Variants in LMBR1 observed in about 807,000 individuals in gnomAD.
LMBR1 encodes the protein limb development membrane protein 1.
LMBR1 carries 52 observed loss-of-function variants against 73.9 expected under a neutral mutation model. The observed-to-expected ratio is 0.70, with a 90% CI of 0.56 to 0.89. The LOEUF is 0.89. Among genes scored for constraint, LMBR1 ranks in the 40% least tolerant of loss-of-function variants. LMBR1 has a pLI of 0.00. For missense variants in LMBR1, 539 were observed against 579.8 expected, an observed-to-expected ratio of 0.93 and a Z score of 0.72; for synonymous variants, 215 against 209.4, an observed-to-expected ratio of 1.03 and a Z score of -0.23.
In LMBR1 at chr7:156,725,514, A is replaced by T; in HGVS notation, c.1079T>A (p.Val360Glu). 6.3e-7 allele frequency: 1 copy of T among 1,594,864 alleles called. No homozygotes were observed. The highest frequency in any genetic ancestry group is 8.5e-7 in the Non-Finnish European group (1 of 1,170,044). ...LEIILIFYLM[V>E]SSVVGFYSLR... ...GCTATAGAAGCCGACAACAGAGGAC[A>T]CCATAAGATAGCTGTGAGAATCAAG... Residue 360 changes from valine (V) to glutamate (E), a missense_variant, in exon 14 of 17, where the codon GTG becomes GAG. By Grantham distance (121) the Val-to-Glu change is moderately radical. Coordinates refer to ENST00000353442, the MANE Select transcript of LMBR1 (RefSeq NM_022458.4).
intron 15 of LMBR1, among the ~76,000 whole-genome samples, chr7:156,712,228 G>T (rs1585317371): frequency 6.6e-6 from 1 of 152,028 alleles, no homozygotes; most frequent in South Asian, 2.1e-4. Context: ...CTTCAAAAGA[G>T]GTCATACAAA....
intron 5 of LMBR1, among the ~76,000 whole-genome samples, chr7:156,787,399 T>A (rs1828313800): frequency 6.6e-6 from 1 of 152,318 alleles, no homozygotes; most frequent in East Asian, 1.9e-4. Flanking sequence ...CTGCTTGTTA[T>A]ATAGTTATAT....
chr7:156,750,297 C>CAT lies in LMBR1; in HGVS notation c.757+6095_757+6096insAT, dbSNP rs1554499332. ...TGTTAAGTGTGCGTGTGTGTGTGTA[C>CAT]GTGTGTGTGTGTGTGTGTATCCTCT... On this transcript the variant is annotated intron_variant, in intron 9 of 16. Transcript: ENST00000353442. Among the ~76,000 whole-genome samples the CAT allele has an allele frequency of 1.9e-4, 28 of 150,186 alleles. 1 individual carries two copies. Among genetic ancestry groups the CAT allele is most frequent in the South Asian group, 6.3e-4 (3 of 4,732 alleles).
chr7:156,779,059 G>A (rs748037551), intron 5 of LMBR1, among the ~76,000 whole-genome samples: 17 of 152,144 alleles, frequency 1.1e-4, no homozygotes, highest in Non-Finnish European at 2.1e-4. Context: ...GGTCTTCATT[G>A]TTCCTCTAGT....
intron 1 of LMBR1, among the ~76,000 whole-genome samples, chr7:156,837,168 T>C (rs1450728569): frequency 3.3e-5 from 4 of 119,412 alleles, no homozygotes; most frequent in African/African-American, 1.3e-4. Flanking sequence ...TACTAAAAAA[T>C]ACAAAAAAAA....
chr7:156,671,864 T>C (rs1459755671), intron 4 of LMBR1, among the ~76,000 whole-genome samples: 1 of 152,050 alleles, frequency 6.6e-6, no homozygotes. Flanking sequence ...AATAGAACTA[T>C]CTCACGTTTG....
chr7:156,734,349 G>T, intron 9 of LMBR1, 92 bp from the exon 10 acceptor site: 1 of 670,334 alleles, frequency 1.5e-6, no homozygotes, highest in Non-Finnish European at 2.5e-6. Flanking sequence ...ATAACACATG[G>T]CAAATCCTGC....
At chr7:156,798,172 T>C (rs1830365189) in intron 4 of LMBR1, among the ~76,000 whole-genome samples, 1 of 152,192 alleles carries the variant, frequency 6.6e-6, no homozygotes, top group Admixed American at 6.5e-5. Flanking sequence ...TCTTCATCTA[T>C]CAAATATGGC....
intron 8 of LMBR1, among the ~76,000 whole-genome samples, chr7:156,757,224 T>A (rs1235568142): frequency 6.6e-6 from 1 of 152,210 alleles, no homozygotes; most frequent in Non-Finnish European, 1.5e-5. Context: ...AGACACCCAG[T>A]CCAACATTTG....
Position 156,669,235 on chromosome 7 carries a change from G to C in LMBR1, n.919C>G, listed in dbSNP as rs1801902345. On this transcript the variant is annotated non_coding_transcript_exon_variant, in exon 5 of 5. Coordinates refer to the LMBR1 transcript ENST00000430825. The surrounding 1 kb of genome is among the most constrained non-coding windows in gnomAD (Gnocchi z 4.2). ...CCGGCGTGCCTGTCTAGGTGCATGT[G>C]GAGGCCGCTCGGGTGGTTCGCGCCT... 6.6e-6 allele frequency: 1 copy of C among 152,270 alleles called. No homozygotes were observed. Among genetic ancestry groups the C allele is most frequent in the Admixed American group, 6.5e-5 (1 of 15,290 alleles). The allele number at this position is 152,270 out of a possible 1,614,324, so 9.4% of individuals were successfully genotyped here.
At chr7:156,777,438 T>TCC (rs1340236331) in intron 5 of LMBR1, among the ~76,000 whole-genome samples, 2 of 152,164 alleles carry the variant, frequency 1.3e-5, no homozygotes, top group Non-Finnish European at 2.9e-5. Context: ...ATACCTTGAA[T>TCC]CCCTTTTCTC....
chr7:156,785,551 C>A (rs951500679), intron 5 of LMBR1, among the ~76,000 whole-genome samples: 2 of 152,026 alleles, frequency 1.3e-5, no homozygotes, highest in Non-Finnish European at 2.9e-5. Flanking sequence ...AGTTTCTGAA[C>A]GCTGCCTTGG....
At chr7:156,746,940 A>C (rs1041949410) in intron 9 of LMBR1, among the ~76,000 whole-genome samples, 3 of 152,188 alleles carry the variant, frequency 2.0e-5, no homozygotes, top group Non-Finnish European at 4.4e-5. Flanking sequence ...CTAGTCAATA[A>C]GTCAAACTGG....
At chr7:156,839,543 T>C (rs2192510) in intron 1 of LMBR1, among the ~76,000 whole-genome samples, 138,278 of 152,152 alleles carry the variant, frequency 0.91, 63,087 homozygotes, top group African/African-American at 0.98. Context: ...AATGAAACCA[T>C]TCTGAGTGAT....
intron 15 of LMBR1, among the ~76,000 whole-genome samples, chr7:156,700,549 T>C (rs890582983): frequency 3.3e-5 from 5 of 152,046 alleles, no homozygotes; most frequent in African/African-American, 1.2e-4. Context: ...ATAATAATAA[T>C]AAAATTTAAA....
At chr7:156,762,108 A>G in intron 8 of LMBR1, 26 bp downstream of exon 8, 1 of 1,405,064 alleles carries the variant, frequency 7.1e-7, no homozygotes, top group Non-Finnish European at 1.0e-6. Flanking sequence ...TTTAATAAAC[A>G]AAATGATTTA....
intron 10 of LMBR1, among the ~76,000 whole-genome samples, chr7:156,730,738 C>T (rs1436088789): frequency 6.6e-6 from 1 of 152,114 alleles, no homozygotes; most frequent in Non-Finnish European, 1.5e-5. Flanking sequence ...GAGTTTGAGA[C>T]CAGCCTGGCC....
chr7:156,857,251 A>C (rs1398018399), intron 1 of LMBR1, among the ~76,000 whole-genome samples: 1 of 152,236 alleles, frequency 6.6e-6, no homozygotes, highest in Non-Finnish European at 1.5e-5. Context: ...TGTTGTCTAT[A>C]AAAAAGTATT....
At chr7:156,710,711 C>T (rs940636361) in intron 15 of LMBR1, among the ~76,000 whole-genome samples, 2 of 152,142 alleles carry the variant, frequency 1.3e-5, no homozygotes, top group African/African-American at 2.4e-5. Context: ...CACACAAACA[C>T]GTAGTCATCA....
Sources: allele counts gnomAD v4.1 joint callset (sites outside exome capture counted in the v4.1 genomes callset), GRCh38; gene constraint gnomAD v4.1.1; non-coding constraint Gnocchi (gnomAD v3.1); transcripts MANE v1.5; gene names NCBI Gene and HGNC (gene_info 2026-07-23, HGNC 2026-07-21).